Variants in RBM38 observed in about 807,000 individuals in gnomAD.
RBM38 encodes RNA binding motif protein 38, also known as RNA-binding protein 38.
Under a neutral mutation model 23.5 loss-of-function variants are expected in RBM38, and 11 were observed. The observed-to-expected ratio is 0.47, with a 90% CI of 0.29 to 0.77. The LOEUF is 0.77. Ranked by LOEUF, RBM38 falls within the 30% of genes least tolerant of loss-of-function variation. RBM38 has a pLI of 0.08. For missense variants in RBM38, 330 were observed against 351.9 expected, an observed-to-expected ratio of 0.94 and a Z score of 0.50; for synonymous variants, 165 against 166.1, an observed-to-expected ratio of 0.99 and a Z score of 0.05.
At chr20:57,392,345 C>A in intron 1 of RBM38, 1 of 1,309,454 alleles carries the variant, frequency 7.6e-7, no homozygotes, top group South Asian at 1.3e-5. Flanking sequence ...TGGGCAAGTC[C>A]AGGCGGCCCC....
chr20:57,392,784 G>A lies in RBM38; in HGVS notation c.361+7G>A, dbSNP rs769045830. ...CCGCGGAGCCTCCAGACGGGTGAGA[G>A]CTTGTGTTTTCCTGCCTGGCTCTTC... On this transcript the variant is annotated splice_region_variant and intron_variant, in intron 2 of 3. Coordinates refer to ENST00000356208, the MANE Select transcript of RBM38 (RefSeq NM_017495.6). The A allele has an allele frequency of 1.2e-6, 2 of 1,610,746 alleles. No homozygotes were observed. The highest frequency in any genetic ancestry group is 2.2e-5 in the East Asian group (1 of 44,854).
Position 57,392,742 on chromosome 20 carries a change from C to T in RBM38, c.326C>T (p.Ala109Val). ...GGCCGCAAGGCCAACGTGAACCTGGCATATCTGGGCGCCAAGCCGCGGAGC... is the reference window on the plus strand; with the variant it reads ...GGCCGCAAGGCCAACGTGAACCTGGTATATCTGGGCGCCAAGCCGCGGAGC... ...IDGRKANVNLAYLGAKPRSLQ... is the reference protein window; with the variant it reads ...IDGRKANVNLVYLGAKPRSLQ... Residue 109 changes from alanine to valine, a missense_variant, in exon 2 of 4, where the codon GCA (alanine) becomes GTA (valine). By Grantham distance (64) the Ala-to-Val change is moderately conservative. Around this residue, in one of 3 missense-constraint regions of RBM38, gnomAD observed 227 missense variants for 216.4 expected, o/e 1.05. Coordinates refer to ENST00000356208, the MANE Select transcript of RBM38 (RefSeq NM_017495.6). 1.9e-6 allele frequency: 3 copies of T among 1,613,094 alleles called. No individual in the cohort carries two copies. Among genetic ancestry groups the T allele is most frequent in the Non-Finnish European group, 2.5e-6 (3 of 1,179,842 alleles).
At chr20:57,392,543 C>A in intron 1 of RBM38, 111 bp from the exon 2 acceptor site, 1 of 1,516,974 alleles carries the variant, frequency 6.6e-7, no homozygotes, top group Non-Finnish European at 8.9e-7. Flanking sequence ...CAGGCACCCT[C>A]AGAGGAAGGG....
Position 57,408,330 on chromosome 20 carries a change from T to TC in RBM38, c.*485dup. ...TGATCCTCCCGAGCTGTGAGCGCAG[T>TC]CTGAGGTGTGAGGACACGGCCTCCT... On this transcript the variant is annotated 3_prime_UTR_variant, in exon 4 of 4. Transcript: ENST00000356208. 1.7e-5 allele frequency: 3 copies of TC among 172,238 alleles called. No homozygotes were observed. The East Asian group carries it at 4.2e-4, about 24-fold the overall frequency. The allele number at this position is 172,238 out of a possible 1,614,324, so 10.7% of individuals were successfully genotyped here.
At chr20:57,406,679 C>T (rs973564197) in intron 3 of RBM38, among the ~76,000 whole-genome samples, 2 of 152,190 alleles carry the variant, frequency 1.3e-5, no homozygotes, top group African/African-American at 4.8e-5. Context: ...GGCCAGAGTC[C>T]ATGCTGGCAG....
At chr20:57,398,728 G>A (rs328496) in intron 3 of RBM38, among the ~76,000 whole-genome samples, 2 of 152,228 alleles carry the variant, frequency 1.3e-5, no homozygotes, top group Non-Finnish European at 2.9e-5. Flanking sequence ...ACCCTGGCTC[G>A]CTGCTGGGCT....
At chr20:57,399,702 C>G (rs967053695) in intron 3 of RBM38, among the ~76,000 whole-genome samples, 10 of 152,164 alleles carry the variant, frequency 6.6e-5, no homozygotes, top group African/African-American at 2.2e-4. Context: ...CTTGAATGTC[C>G]CTAGACCTCC....
Position 57,391,477 on chromosome 20 carries a change from G to T in RBM38, c.-105G>T, listed in dbSNP as rs1424718815. The T allele has an allele frequency of 5.5e-6, 1 of 180,648 alleles. No homozygotes were observed. The highest frequency in any genetic ancestry group is 2.4e-5 in the African/African-American group (1 of 41,400). The allele number at this position is 180,648 out of a possible 1,614,324, so 11.2% of individuals were successfully genotyped here. On this transcript the variant is annotated 5_prime_UTR_variant, in exon 1 of 4. Coordinates refer to ENST00000356208, the MANE Select transcript of RBM38 (RefSeq NM_017495.6). ...GCGGGACGGGCGCCGGAGTGGTCGG[G>T]CCTGGCGGCTGGACGGGCGCCCCTC...
rs1480629326 is a variant in RBM38, at chr20:57,394,010, T to C, written c.416+677T>C. On this transcript the variant is annotated intron_variant, in intron 3 of 3. Transcript: ENST00000356208. ...GGGAGGGACACACACACTTAAGGGA[T>C]ACAAAGAGTCCTGCCTTGCGGCCTG... Among the ~76,000 whole-genome samples the C allele has an allele frequency of 5.3e-5, 8 of 152,152 alleles. No individual in the cohort carries two copies. In the East Asian group the frequency reaches 1.4e-3, roughly 26 times the overall value.
chr20:57,406,472 C>T (rs933136243), intron 3 of RBM38, among the ~76,000 whole-genome samples: 31 of 152,316 alleles, frequency 2.0e-4, no homozygotes, highest in Middle Eastern at 3.4e-3. Flanking sequence ...CACCTGGCCC[C>T]GTGTGTGAAA....
At chr20:57,393,022 C>A in intron 2 of RBM38, 1 of 665,878 alleles carries the variant, frequency 1.5e-6, no homozygotes, top group Non-Finnish European at 2.5e-6. Flanking sequence ...GCTGTCCTCG[C>A]AGGAGGGAGG....
In RBM38 at chr20:57,407,408, T is replaced by C; in HGVS notation, c.417-135T>C. ...GGCGGCAGCATCTGGCCAGGTGCTG[T>C]TTCTGTGCCCATCTGACCGATGAGG... On this transcript the variant is annotated intron_variant, in intron 3 of 3. Coordinates refer to ENST00000356208, the MANE Select transcript of RBM38 (RefSeq NM_017495.6). This position sits in a 1 kb window ranked among gnomAD's most constrained non-coding sequence, Gnocchi z 4.0. 1 of 1,029,810 alleles carries C rather than the reference T, an allele frequency of 9.7e-7. No homozygotes were observed. The highest frequency in any genetic ancestry group is 1.4e-6 in the Non-Finnish European group (1 of 698,722). 63.8% of individuals were successfully genotyped at this position (1,029,810 alleles called of 1,614,324 possible).
In RBM38 at chr20:57,407,587, G is replaced by A. The variant is rs2067399715; in HGVS notation, c.461G>A (p.Ser154Asn). The part of the protein sequence containing the change: ...YIYPPAIVQP[S>N]VVIPAAPVPS... ...TACCCACCAGCCATCGTGCAGCCCA[G>A]CGTGGTGATCCCAGCCGCCCCTGTC... is the stretch of plus-strand genomic sequence containing the variant. The change falls in exon 4 of 4, where the codon AGC becomes AAC. Residue 154 changes from serine to asparagine, a missense_variant. Coordinates refer to ENST00000356208, the MANE Select transcript of RBM38 (RefSeq NM_017495.6). The surrounding 1 kb of genome is among the most constrained non-coding windows in gnomAD (Gnocchi z 4.0). The A allele has an allele frequency of 6.2e-7, 1 of 1,613,670 alleles. No homozygotes were observed. The highest frequency in any genetic ancestry group is 1.3e-5 in the African/African-American group (1 of 74,936).
intron 3 of RBM38, among the ~76,000 whole-genome samples, chr20:57,406,611 G>A (rs1322457938): frequency 6.6e-6 from 1 of 152,138 alleles, no homozygotes; most frequent in Non-Finnish European, 1.5e-5. Context: ...CACCGCCATT[G>A]CACTCCTTTG....
intron 3 of RBM38, among the ~76,000 whole-genome samples, chr20:57,402,882 CT>C (rs2067343420): frequency 6.6e-6 from 1 of 152,382 alleles, no homozygotes; most frequent in South Asian, 2.1e-4. Context: ...GCGTGGGCAC[CT>C]GTGGTCAGAG....
At chr20:57,404,696 G>A (rs777013274) in intron 3 of RBM38, among the ~76,000 whole-genome samples, 1 of 152,264 alleles carries the variant, frequency 6.6e-6, no homozygotes, top group African/African-American at 2.4e-5. Flanking sequence ...CCTGGTCCTG[G>A]CAGAGAGCTG....
intron 3 of RBM38, among the ~76,000 whole-genome samples, chr20:57,401,872 C>T (rs576401312): frequency 6.6e-6 from 1 of 152,278 alleles, no homozygotes; most frequent in Non-Finnish European, 1.5e-5. Context: ...CACAAGGGAG[C>T]AGTTTGGGTT....
intron 3 of RBM38, among the ~76,000 whole-genome samples, chr20:57,406,608 A>G (rs2067386486): frequency 6.6e-6 from 1 of 152,044 alleles, no homozygotes; most frequent in Non-Finnish European, 1.5e-5. Flanking sequence ...GGTCACCGCC[A>G]TTGCACTCCT....
chr20:57,408,083 T>G lies in RBM38; in HGVS notation c.*237T>G, dbSNP rs937034924. On this transcript the variant is annotated 3_prime_UTR_variant, in exon 4 of 4. Transcript: ENST00000356208. ...GACTTTAAGAATGACTGAGAACTAT[T>G]TAAAGACGCAATCCCAGGTTCCTTG... 24 of 589,298 alleles carry G rather than the reference T, an allele frequency of 4.1e-5. No homozygotes were observed. Among genetic ancestry groups the G allele is most frequent in the Non-Finnish European group, 5.7e-5 (19 of 332,932 alleles). 36.5% of individuals were successfully genotyped at this position (589,298 alleles called of 1,614,324 possible).
Sources: allele counts gnomAD v4.1 joint callset (sites outside exome capture counted in the v4.1 genomes callset), GRCh38; gene constraint gnomAD v4.1.1; regional missense constraint gnomAD v4.1.1; non-coding constraint Gnocchi (gnomAD v3.1); transcripts MANE v1.5; gene names NCBI Gene and HGNC (gene_info 2026-07-23, HGNC 2026-07-21).